The following MAN1A2 variants were observed in gnomAD, a reference collection of about 807,000 sequenced individuals.
MAN1A2 encodes mannosyl-oligosaccharide 1,2-alpha-mannosidase IB.
Under a neutral mutation model 75.7 loss-of-function variants are expected in MAN1A2, and 26 were observed. That is an observed-to-expected ratio of 0.34 (90% CI 0.25 to 0.48). The LOEUF (loss-of-function observed/expected upper bound fraction) is 0.48. Ranked by LOEUF, MAN1A2 falls within the 20% of genes least tolerant of loss-of-function variation. MAN1A2 has a pLI of 0.99. For missense variants in MAN1A2, 562 were observed against 775.5 expected (o/e 0.72, Z 3.27); for synonymous variants, 247 against 264.6 (o/e 0.93, Z 0.65).
At chr1:117,393,804 A>T (rs1299030062) in intron 1 of MAN1A2, among the ~76,000 whole-genome samples, 1 of 152,202 alleles carries the variant, frequency 6.6e-6, no homozygotes, top group Non-Finnish European at 1.5e-5. Flanking sequence ...CCTTATTCGG[A>T]AGAAGATGGT....
chr1:117,418,775 T>C (rs1288930106), intron 4 of MAN1A2, among the ~76,000 whole-genome samples: 1 of 152,176 alleles, frequency 6.6e-6, no homozygotes, highest in Non-Finnish European at 1.5e-5. Context: ...GAATTTCTGA[T>C]ACCTTTTGTT....
At position 117,370,201 on chromosome 1, in the gene MAN1A2, A is replaced by G. The variant is rs191950633; in HGVS notation, c.302+1716A>G. Among the ~76,000 whole-genome samples, 227 of 152,326 alleles carry G rather than the reference A, an allele frequency of 1.5e-3. 3 individuals are homozygous for G. Among genetic ancestry groups the G allele is most frequent in the Admixed American group, 0.014 (213 of 15,300 alleles). On this transcript the variant is annotated intron_variant, in intron 1 of 12. Transcript: ENST00000356554. Reference sequence around the variant, plus strand: ...GATATATATGCATATGTATTTAGCTATCTAAAACTATTGGGTTCCTGAGTT... The same window carrying G: ...GATATATATGCATATGTATTTAGCTGTCTAAAACTATTGGGTTCCTGAGTT...
At chr1:117,446,412 C>T (rs1380309963) in intron 6 of MAN1A2, among the ~76,000 whole-genome samples, 2 of 151,968 alleles carry the variant, frequency 1.3e-5, no homozygotes, top group African/African-American at 4.8e-5. Flanking sequence ...CCCCCATAAA[C>T]TACTGTTTTT....
In MAN1A2 at chr1:117,523,089, A is replaced by G; in HGVS notation, c.*132A>G. 1.0e-6 allele frequency: 1 copy of G among 965,486 alleles called. No individual in the cohort carries two copies. The highest frequency in any genetic ancestry group is 1.6e-6 in the Non-Finnish European group (1 of 610,682). 59.8% of individuals were successfully genotyped at this position (965,486 alleles called of 1,614,324 possible). On this transcript the variant is annotated 3_prime_UTR_variant, in exon 13 of 13. Transcript: ENST00000356554. ...TGACAGGGTGAAACTATTCCCCCTA[A>G]GACTGTTCAACTTGTAGATACATCA...
intron 7 of MAN1A2, among the ~76,000 whole-genome samples, chr1:117,464,607 G>C (rs147062596): frequency 1.3e-5 from 2 of 152,248 alleles, no homozygotes; most frequent in East Asian, 3.9e-4. Context: ...GCAGCAATGA[G>C]AACAGGATCA....
chr1:117,414,932 G>A, intron 4 of MAN1A2, 101 bp downstream of exon 4: 1 of 705,126 alleles, frequency 1.4e-6, no homozygotes, highest in Non-Finnish European at 2.5e-6. Flanking sequence ...AAATTCATAT[G>A]TTGAAACCTA....
intron 8 of MAN1A2, among the ~76,000 whole-genome samples, chr1:117,489,980 G>A (rs1399965052): frequency 1.3e-5 from 2 of 151,470 alleles, no homozygotes; most frequent in African/African-American, 4.9e-5. Flanking sequence ...CAGTTTTGAA[G>A]CAGAGTTCAA....
At chr1:117,509,547 A>T (rs1247596871) in intron 12 of MAN1A2, among the ~76,000 whole-genome samples, 1 of 151,866 alleles carries the variant, frequency 6.6e-6, no homozygotes, top group African/African-American at 2.4e-5. Flanking sequence ...TCAGTACTTC[A>T]TTTGTCCTGA....
intron 5 of MAN1A2, among the ~76,000 whole-genome samples, chr1:117,421,900 G>A (rs1026165520): frequency 6.6e-6 from 1 of 152,014 alleles, no homozygotes; most frequent in Non-Finnish European, 1.5e-5. Context: ...CCAAAGGACC[G>A]ATTCAGTGGG....
chr1:117,519,199 A>C (rs570203338), intron 12 of MAN1A2, among the ~76,000 whole-genome samples: 1 of 152,206 alleles, frequency 6.6e-6, no homozygotes, highest in South Asian at 2.1e-4. Context: ...TGCTAAGAGG[A>C]AAGTTCACAG....
intron 1 of MAN1A2, among the ~76,000 whole-genome samples, chr1:117,376,387 C>G (rs867698289): frequency 2.0e-5 from 3 of 152,230 alleles, no homozygotes; most frequent in Admixed American, 1.3e-4. Context: ...ATTAGGTGAT[C>G]ACCCATGTGA....
chr1:117,417,706 ACTCTCTCT>A (rs772502807), intron 4 of MAN1A2, among the ~76,000 whole-genome samples: 2 of 143,552 alleles, frequency 1.4e-5, no homozygotes, highest in Non-Finnish European at 3.1e-5. Flanking sequence ...ACACACACAC[ACTCTCTCT>A]CTCTCTCTCT....
chr1:117,418,375 G>T (rs1570727241), intron 4 of MAN1A2, among the ~76,000 whole-genome samples: 1 of 152,028 alleles, frequency 6.6e-6, no homozygotes, highest in East Asian at 1.9e-4. Flanking sequence ...TTTACATGGG[G>T]TGGTCATGGA....
intron 12 of MAN1A2, among the ~76,000 whole-genome samples, chr1:117,505,357 C>T (rs1379715662): frequency 6.6e-6 from 1 of 151,250 alleles, no homozygotes; most frequent in East Asian, 1.9e-4. Flanking sequence ...GCTGCCTCAT[C>T]CCCTTCTAGT....
At chr1:117,473,774 C>T (rs1650232566) in intron 8 of MAN1A2, among the ~76,000 whole-genome samples, 2 of 151,940 alleles carry the variant, frequency 1.3e-5, no homozygotes, top group South Asian at 2.1e-4. Context: ...GGTCACCTTA[C>T]GTGATAGGCG....
chr1:117,503,333 C>T (rs11801339), intron 12 of MAN1A2, among the ~76,000 whole-genome samples: 40,230 of 151,246 alleles, frequency 0.27, 5,887 homozygotes, highest in East Asian at 0.47. Context: ...CCATGTGTTA[C>T]TGATAATGCT....
chr1:117,368,384 T>C lies in MAN1A2; in HGVS notation c.201T>C (p.Asp67=), dbSNP rs1372470508. ...ACTCTTCAAAACACAAACGCTTTGA[T>C]TTGGGTTTAGAAGATGTGTTAATTC... ...LPDSSKHKRF[D]LGLEDVLIPH... The change falls in exon 1 of 13, where the codon GAT becomes GAC. Residue 67 remains aspartate, a synonymous_variant. Coordinates refer to ENST00000356554, the MANE Select transcript of MAN1A2 (RefSeq NM_006699.5). The C allele has an allele frequency of 1.9e-6, 3 of 1,614,138 alleles. No individual in the cohort carries two copies. Among genetic ancestry groups the C allele is most frequent in the Non-Finnish European group, 2.5e-6 (3 of 1,180,008 alleles).
At chr1:117,512,349 C>T (rs888061425) in intron 12 of MAN1A2, among the ~76,000 whole-genome samples, 3 of 152,036 alleles carry the variant, frequency 2.0e-5, no homozygotes, top group African/African-American at 7.2e-5. Flanking sequence ...GTTCTCAAAC[C>T]TGAGTGTACA....
At chr1:117,517,727 C>T (rs1651754272) in intron 12 of MAN1A2, among the ~76,000 whole-genome samples, 1 of 151,958 alleles carries the variant, frequency 6.6e-6, no homozygotes, top group South Asian at 2.1e-4. Context: ...CCCAAAAAAA[C>T]CCTTTTTTTG....
Sources: gnomAD v4.1 joint callset for allele counts (sites outside exome capture counted in the v4.1 genomes callset) on GRCh38, gnomAD v4.1.1 for gene constraint, MANE v1.5 for transcripts, NCBI Gene and HGNC (gene_info 2026-07-23, HGNC 2026-07-21) for gene names.